PLA2G6: variants seen among roughly 807,000 people sequenced by gnomAD.
The protein encoded by PLA2G6 is phospholipase A2 group VI.
In PLA2G6, 62 loss-of-function variants were observed where a neutral mutation model predicts 83.8. The ratio of observed to expected loss-of-function variants is 0.74; its 90% confidence interval spans 0.60 to 0.91. The LOEUF is 0.91. Among genes scored for constraint, PLA2G6 ranks in the 40% least tolerant of loss-of-function variants. PLA2G6 has a pLI of 0.00. For missense variants in PLA2G6, 944 were observed against 1,102.0 expected (o/e 0.86, Z 2.03); for synonymous variants, 417 against 449.8 (o/e 0.93, Z 0.92).
At chr22:38,142,788 T>TC in intron 4 of PLA2G6, 1 of 416,946 alleles carries the variant, frequency 2.4e-6, no homozygotes, top group Non-Finnish European at 4.5e-6. Flanking sequence ...GGCAGGCATC[T>TC]GGCTCACAGT....
At chr22:38,157,230 A>G (rs746226791) in intron 2 of PLA2G6, among the ~76,000 whole-genome samples, 1 of 152,180 alleles carries the variant, frequency 6.6e-6, no homozygotes, top group Non-Finnish European at 1.5e-5. Flanking sequence ...CTAACAAAAA[A>G]AGAGAGAAAA....
intron 2 of PLA2G6, among the ~76,000 whole-genome samples, chr22:38,160,588 T>A (rs2089970798): frequency 6.6e-6 from 1 of 152,222 alleles, no homozygotes; most frequent in Non-Finnish European, 1.5e-5. Context: ...GGCTCACGCC[T>A]GTAATCCCAG....
chr22:38,143,264 C>T lies in PLA2G6; in HGVS notation c.450G>A (p.Glu150=). ...IISCANCAEN[E]EGCTPLHLAC... ...CCAGGTGCAGGGGTGTGCAGCCCTC[C>T]TCGTTCTCCGCGCAATTGGCACAGC... Residue 150 remains glutamate (E), a synonymous_variant, in exon 4 of 17, where the codon GAG becomes GAA. Transcript: ENST00000332509. The T allele has an allele frequency of 6.2e-7, 1 of 1,613,478 alleles. No individual in the cohort carries two copies. Among genetic ancestry groups the T allele is most frequent in the Non-Finnish European group, 8.5e-7 (1 of 1,180,036 alleles).
Position 38,172,439 on chromosome 22 carries a change from A to G in PLA2G6, c.-45-2968T>C, listed in dbSNP as rs1325656156. 2.0e-5 allele frequency among the ~76,000 whole-genome samples: 3 copies of G among 152,268 alleles called. No individual in the cohort carries two copies. The East Asian group carries it at 5.8e-4, about 29-fold the overall frequency. On this transcript the variant is annotated intron_variant, in intron 1 of 16. Transcript: ENST00000332509. ...TAAATATTATGCATAGAAAAAACAA[A>G]GCCTGATAGAAAACAAACCAAGATA... is the stretch of plus-strand genomic sequence containing the variant.
intron 2 of PLA2G6, chr22:38,148,455 G>A (rs958415104): frequency 1.4e-6 from 1 of 712,660 alleles, no homozygotes; most frequent in African/African-American, 1.8e-5. Context: ...ACATCTGCTG[G>A]CAGGCACTGG....
chr22:38,156,070 T>C (rs1412316604), intron 2 of PLA2G6, among the ~76,000 whole-genome samples: 1 of 152,026 alleles, frequency 6.6e-6, no homozygotes, highest in Non-Finnish European at 1.5e-5. Context: ...ACAAAAACTA[T>C]AAAAAGAGAC....
chr22:38,143,006 T>G, intron 4 of PLA2G6, 99 bp downstream of exon 4: 10 of 1,099,832 alleles, frequency 9.1e-6, no homozygotes, highest in Non-Finnish European at 1.4e-5. Context: ...TGGGGGACAG[T>G]GAGAGGCCTG....
chr22:38,175,079 T>C (rs1206495288), intron 1 of PLA2G6, among the ~76,000 whole-genome samples: 1 of 152,184 alleles, frequency 6.6e-6, no homozygotes, highest in Non-Finnish European at 1.5e-5. Flanking sequence ...TGCCCTCTGA[T>C]TGCTGCTACC....
Position 38,128,631 on chromosome 22 carries a change from C to T in PLA2G6, c.1187-201G>A, listed in dbSNP as rs751799450. Among the ~76,000 whole-genome samples, 1 of 152,168 alleles carries T rather than the reference C, an allele frequency of 6.6e-6. No individual in the cohort carries two copies. Among genetic ancestry groups the T allele is most frequent in the Non-Finnish European group, 1.5e-5 (1 of 68,024 alleles). On this transcript the variant is annotated intron_variant, in intron 8 of 16. Coordinates refer to ENST00000332509, the MANE Select transcript of PLA2G6 (RefSeq NM_003560.4). The surrounding 1 kb of genome is among the most constrained non-coding windows in gnomAD (Gnocchi z 4.4). Reference sequence around the variant, plus strand: ...TACATCCCAAGCAGCTTCCTAAGGCCAGGGAAGGAGGATATGGGAGGAGGA... The same window carrying T: ...TACATCCCAAGCAGCTTCCTAAGGCTAGGGAAGGAGGATATGGGAGGAGGA...
intron 11 of PLA2G6, among the ~76,000 whole-genome samples, chr22:38,121,293 G>A (rs1220005782): frequency 3.3e-5 from 5 of 152,132 alleles, no homozygotes; most frequent in South Asian, 2.1e-4. Flanking sequence ...CAGGAGAATC[G>A]CTTGAACCCG....
At chr22:38,158,634 T>G (rs2089889185) in intron 2 of PLA2G6, among the ~76,000 whole-genome samples, 1 of 152,222 alleles carries the variant, frequency 6.6e-6, no homozygotes, top group Admixed American at 6.5e-5. Context: ...AGTCTAAATC[T>G]CTTCAGGTAT....
chr22:38,115,614 G>A lies in PLA2G6; in HGVS notation c.1947C>T (p.Arg649=), dbSNP rs2087140986. The change falls in exon 14 of 17, where the codon CGC becomes CGT. Residue 649 remains arginine (R), a synonymous_variant. Coordinates refer to ENST00000332509, the MANE Select transcript of PLA2G6 (RefSeq NM_003560.4). ...TGGCCAGCAGCCCACCGTCCAGGAA[G>A]CGCCCATTGGGTCGGAAGTAAGTAG... ...AAPTYFRPNG[R]FLDGGLLANN... 3 of 1,611,598 alleles carry A rather than the reference G, an allele frequency of 1.9e-6. No individual in the cohort carries two copies. The highest frequency in any genetic ancestry group is 2.7e-5 in the African/African-American group (2 of 75,018).
At chr22:38,156,836 T>C (rs1187195167) in intron 2 of PLA2G6, among the ~76,000 whole-genome samples, 1 of 152,156 alleles carries the variant, frequency 6.6e-6, no homozygotes, top group African/African-American at 2.4e-5. Flanking sequence ...ACAAGGTATT[T>C]TGCACACCAT....
intron 7 of PLA2G6, 110 bp from the exon 8 acceptor site, chr22:38,129,672 C>CGTGCTGAGGAG: frequency 2.6e-6 from 2 of 777,600 alleles, no homozygotes; most frequent in Non-Finnish European, 4.6e-6. Context: ...GGCCTCTCCT[C>CGTGCTGAGGAG]AGCACGGGGA....
chr22:38,150,703 A>G (rs925182149), intron 2 of PLA2G6: 1 of 152,252 alleles, frequency 6.6e-6, no homozygotes, highest in African/African-American at 2.4e-5. Context: ...GAAAAAAGTT[A>G]TCTTCAAAGG....
At chr22:38,116,851 C>CAAAAAAAAAAAAAAAAAAAAAAA (rs57712042) in intron 12 of PLA2G6, among the ~76,000 whole-genome samples, 3 of 37,660 alleles carry the variant, frequency 8.0e-5, no homozygotes, top group African/African-American at 1.7e-4. Flanking sequence ...AACTCCGTCT[C>CAAAAAAAAAAAAAAAAAAAAAAA]AAAAAAAAAA....
intron 6 of PLA2G6, 49 bp from the exon 7 acceptor site, chr22:38,133,062 C>T (rs781249023): frequency 1.8e-5 from 27 of 1,512,458 alleles, no homozygotes; most frequent in South Asian, 1.1e-4. Context: ...GGGGAGCTGC[C>T]GCACCCCGGG....
chr22:38,142,997 G>C (rs763150145), intron 4 of PLA2G6, 108 bp downstream of exon 4: 1 of 1,017,658 alleles, frequency 9.8e-7, no homozygotes, highest in Non-Finnish European at 1.6e-6. Context: ...AAGGACCAAT[G>C]GGGGACAGTG....
intron 1 of PLA2G6, 71 bp downstream of exon 1, chr22:38,181,593 G>T: frequency 6.6e-6 from 1 of 152,544 alleles, no homozygotes. Flanking sequence ...GGGAATTGGG[G>T]ACGCAGGGGG....
Sources: gnomAD v4.1 joint callset for allele counts (sites outside exome capture counted in the v4.1 genomes callset) on GRCh38, gnomAD v4.1.1 for gene constraint, Gnocchi (gnomAD v3.1) non-coding constraint, MANE v1.5 for transcripts, NCBI Gene and HGNC (gene_info 2026-07-23, HGNC 2026-07-21) for gene names.